Variants in TBCK observed in about 807,000 individuals in gnomAD.
TBCK encodes TBC1 domain containing kinase.
TBCK carries 99 observed loss-of-function variants against 113.4 expected under a neutral mutation model. The observed-to-expected ratio is 0.87, with a 90% CI of 0.74 to 1.03. The LOEUF (loss-of-function observed/expected upper bound fraction) is 1.03, where lower values mean the gene tolerates loss of function less well. TBCK is among the 50% of genes least tolerant of loss of function. The probability of loss-of-function intolerance (pLI) is 0.00; values close to 1 mark genes in which losing one functional copy is unlikely to be tolerated. For missense variants in TBCK, 1,045 were observed against 1,061.3 expected, an observed-to-expected ratio of 0.98 and a Z score of 0.21; for synonymous variants, 369 against 370.8, an observed-to-expected ratio of 1.00 and a Z score of 0.05.
rs1011346434 is a variant in TBCK, at chr4:106,186,265, G to A, written c.2059+7344C>T. Among the ~76,000 whole-genome samples the A allele has an allele frequency of 2.6e-5, 4 of 152,104 alleles. No individual in the cohort carries two copies. The South Asian group carries it at 6.2e-4, about 24-fold the overall frequency. On this transcript the variant is annotated intron_variant, in intron 22 of 25. Coordinates refer to ENST00000394708, the MANE Select transcript of TBCK (RefSeq NM_001163435.3). ...TATATGCCTAGTAATGGGATTGTTG[G>A]GTTGAATGGAAGCTCTGTTTTAAGT...
At chr4:106,204,259 A>T (rs559956390) in intron 20 of TBCK, among the ~76,000 whole-genome samples, 11 of 152,290 alleles carry the variant, frequency 7.2e-5, no homozygotes, top group African/African-American at 2.6e-4. Context: ...CTAAAAATAG[A>T]TTATGTAATT....
chr4:106,074,516 C>G (rs1006539269), intron 25 of TBCK, among the ~76,000 whole-genome samples: 11 of 152,088 alleles, frequency 7.2e-5, no homozygotes, highest in African/African-American at 2.4e-4. Context: ...TTTTTAGCCC[C>G]TTTTATGATG....
chr4:106,233,208 G>T (rs1191652687), intron 16 of TBCK, 144 bp from the exon 17 acceptor site: 5 of 769,100 alleles, frequency 6.5e-6, no homozygotes, highest in Non-Finnish European at 7.9e-6. Context: ...CTAATTTTTT[G>T]AATTTTTTAA....
intron 22 of TBCK, among the ~76,000 whole-genome samples, chr4:106,183,363 A>G (rs1579160466): frequency 6.6e-6 from 1 of 151,846 alleles, no homozygotes; most frequent in East Asian, 1.9e-4. Flanking sequence ...TTTTATCACT[A>G]CCACCAGTAC....
At chr4:106,277,277 T>G (rs1020995630) in intron 3 of TBCK, among the ~76,000 whole-genome samples, 3 of 152,156 alleles carry the variant, frequency 2.0e-5, no homozygotes, top group Non-Finnish European at 4.4e-5. Flanking sequence ...GGTCTAATGG[T>G]GTTTCTATAA....
intron 22 of TBCK, among the ~76,000 whole-genome samples, chr4:106,191,020 T>C (rs930378140): frequency 1.3e-5 from 2 of 152,232 alleles, no homozygotes; most frequent in African/African-American, 4.8e-5. Flanking sequence ...TATCTATGGG[T>C]TCTGCATCCA....
intron 23 of TBCK, among the ~76,000 whole-genome samples, chr4:106,151,239 A>G (rs533953962): frequency 6.6e-6 from 1 of 151,964 alleles, no homozygotes; most frequent in Non-Finnish European, 1.5e-5. Flanking sequence ...AAAATGTACA[A>G]TTACATTACT....
Position 106,085,842 on chromosome 4 carries a change from T to G in TBCK, c.2571+9640A>C, listed in dbSNP as rs547892104. Among the ~76,000 whole-genome samples, 8 of 152,346 alleles carry G rather than the reference T, an allele frequency of 5.3e-5. No homozygotes were observed. In the East Asian group the frequency reaches 1.5e-3, roughly 29 times the overall value. On this transcript the variant is annotated intron_variant, in intron 25 of 25. Coordinates refer to ENST00000394708, the MANE Select transcript of TBCK (RefSeq NM_001163435.3). Reference sequence around the variant, plus strand: ...TCATGGAAATTGAACAACCTGTTCCTTAATGACTCCTGGGTAAATAACAAA... The same window carrying G: ...TCATGGAAATTGAACAACCTGTTCCGTAATGACTCCTGGGTAAATAACAAA...
chr4:106,109,942 CAGCCAAACCCTCTTATCCGG>C (rs1742640335), intron 24 of TBCK, among the ~76,000 whole-genome samples: 1 of 152,170 alleles, frequency 6.6e-6, no homozygotes, highest in Non-Finnish European at 1.5e-5. Context: ...TGGCTGAAGG[CAGCCAAACCCTCTTATCCGG>C]AGCCCGAGAG....
At chr4:106,309,904 T>C (rs1388369139) in intron 1 of TBCK, 1 of 152,204 alleles carries the variant, frequency 6.6e-6, no homozygotes, top group Non-Finnish European at 1.5e-5. Context: ...GTGTATAGCA[T>C]GAGGCGTCCT....
intron 3 of TBCK, among the ~76,000 whole-genome samples, chr4:106,288,905 G>T (rs898150755): frequency 6.6e-6 from 1 of 152,156 alleles, no homozygotes; most frequent in African/African-American, 2.4e-5. Context: ...ATTACACCCA[G>T]GCTATGTGTA....
At chr4:106,153,688 A>G (rs1748787240) in intron 23 of TBCK, among the ~76,000 whole-genome samples, 1 of 152,072 alleles carries the variant, frequency 6.6e-6, no homozygotes. Context: ...GTTTTATTGT[A>G]TGGGTTCCAT....
At chr4:106,116,445 T>C in intron 23 of TBCK, 67 bp from the exon 24 acceptor site, 1 of 1,262,506 alleles carries the variant, frequency 7.9e-7, no homozygotes, top group African/African-American at 1.5e-5. Context: ...TCCCCAGTAA[T>C]AGAATATCTT....
In TBCK at chr4:106,044,684, T is replaced by C. The variant is rs1014478746; in HGVS notation, c.*1886A>G. 1.3e-5 allele frequency: 2 copies of C among 152,212 alleles called. No individual in the cohort carries two copies. Among genetic ancestry groups the C allele is most frequent in the South Asian group, 2.1e-4 (1 of 4,834 alleles). The allele number at this position is 152,212 out of a possible 1,614,324, so 9.4% of individuals were successfully genotyped here. ...GAATACCTGCTGATCAGGTAGACAATTGCATACAATGAAAGTATTCTGGAT... is the reference window on the plus strand; with the variant it reads ...GAATACCTGCTGATCAGGTAGACAACTGCATACAATGAAAGTATTCTGGAT... On this transcript the variant is annotated 3_prime_UTR_variant, in exon 26 of 26. Transcript: ENST00000394708.
intron 19 of TBCK, among the ~76,000 whole-genome samples, chr4:106,223,698 C>T (rs1368205142): frequency 1.3e-5 from 2 of 152,116 alleles, no homozygotes; most frequent in African/African-American, 4.8e-5. Flanking sequence ...GTAGCAACCA[C>T]ATCTTCCAAA....
At chr4:106,272,598 T>C (rs1315574418) in intron 3 of TBCK, among the ~76,000 whole-genome samples, 1 of 151,466 alleles carries the variant, frequency 6.6e-6, no homozygotes, top group Non-Finnish European at 1.5e-5. Flanking sequence ...TTCATGCCAT[T>C]CTCCTGCCTC....
chr4:106,185,221 C>A (rs773014618), intron 22 of TBCK, among the ~76,000 whole-genome samples: 11 of 152,086 alleles, frequency 7.2e-5, no homozygotes, highest in Middle Eastern at 6.8e-3. Context: ...TAGTCATTCC[C>A]TCTATGCTAT....
At chr4:106,292,995 C>A (rs970600678) in intron 3 of TBCK, among the ~76,000 whole-genome samples, 3 of 152,156 alleles carry the variant, frequency 2.0e-5, no homozygotes, top group Non-Finnish European at 4.4e-5. Flanking sequence ...TGAGCCAGGG[C>A]CTTCTTTCTC....
intron 23 of TBCK, among the ~76,000 whole-genome samples, chr4:106,121,190 A>C (rs1460427957): frequency 4.6e-5 from 7 of 151,964 alleles, no homozygotes; most frequent in Admixed American, 6.6e-5. Flanking sequence ...TCTACCAAGC[A>C]AATGGAAAAC....
Sources: allele counts gnomAD v4.1 joint callset (sites outside exome capture counted in the v4.1 genomes callset), GRCh38; gene constraint gnomAD v4.1.1; transcripts MANE v1.5; gene names NCBI Gene and HGNC (gene_info 2026-07-23, HGNC 2026-07-21).